The following DLG2 variants were observed in gnomAD, a reference collection of about 807,000 sequenced individuals.
DLG2 encodes discs large MAGUK scaffold protein 2.
DLG2 carries 45 observed loss-of-function variants against 132.5 expected under a neutral mutation model. That is an observed-to-expected ratio of 0.34 (90% CI 0.27 to 0.44). The LOEUF (loss-of-function observed/expected upper bound fraction) is 0.44. DLG2 is among the 20% of genes least tolerant of loss of function. DLG2 has a pLI of 1.00. For synonymous variants in DLG2, 424 were observed against 419.6 expected, an observed-to-expected ratio of 1.01 and a Z score of -0.13; for missense variants, 1,045 against 1,196.9, an observed-to-expected ratio of 0.87 and a Z score of 1.87.
intron 6 of DLG2, among the ~76,000 whole-genome samples, chr11:84,683,531 G>T (rs1044000458): frequency 1.3e-5 from 2 of 152,140 alleles, no homozygotes; most frequent in African/African-American, 4.8e-5. Context: ...TGCCATAATA[G>T]TTGCTGAAAA....
chr11:84,977,088 T>G (rs1192889713), intron 6 of DLG2, among the ~76,000 whole-genome samples: 1 of 152,120 alleles, frequency 6.6e-6, no homozygotes. Flanking sequence ...TGTTCAAGTG[T>G]TTACTTGTCT....
chr11:84,972,774 C>T (rs1226863375), intron 6 of DLG2, among the ~76,000 whole-genome samples: 1 of 152,002 alleles, frequency 6.6e-6, no homozygotes, highest in Non-Finnish European at 1.5e-5. Context: ...CACTTTCCCT[C>T]ATGCCATCCC....
chr11:85,390,283 C>T (rs1701661184), intron 3 of DLG2, among the ~76,000 whole-genome samples: 1 of 151,950 alleles, frequency 6.6e-6, no homozygotes, highest in African/African-American at 2.4e-5. Context: ...GATAAAAGGA[C>T]TAGTCCAACA....
chr11:85,053,715 T>A (rs529770885), intron 6 of DLG2, among the ~76,000 whole-genome samples: 1 of 136,296 alleles, frequency 7.3e-6, no homozygotes, highest in East Asian at 2.2e-4. Flanking sequence ...GATAGGAGAA[T>A]GGCGTGAACC....
chr11:85,214,837 A>T (rs181036305), intron 4 of DLG2, among the ~76,000 whole-genome samples: 37 of 152,324 alleles, frequency 2.4e-4, no homozygotes, highest in Admixed American at 5.2e-4. Flanking sequence ...CTAAGAGACC[A>T]GTAACTAAGA....
chr11:84,247,229 A>G (rs1234637226), intron 8 of DLG2, among the ~76,000 whole-genome samples: 1 of 152,180 alleles, frequency 6.6e-6, no homozygotes, highest in Non-Finnish European at 1.5e-5. Context: ...ATTGAACTCT[A>G]AAGTGTCTGC....
intron 3 of DLG2, among the ~76,000 whole-genome samples, chr11:85,552,027 AG>A (rs913457834): frequency 1.3e-5 from 2 of 151,016 alleles, no homozygotes; most frequent in African/African-American, 4.9e-5. Context: ...GAACTGAGGC[AG>A]GATCTGAAAA....
At chr11:84,557,149 G>A (rs572174171) in intron 6 of DLG2, among the ~76,000 whole-genome samples, 19 of 152,220 alleles carry the variant, frequency 1.2e-4, no homozygotes, top group Middle Eastern at 6.8e-3. Flanking sequence ...TAATTTAGGT[G>A]TTGCTATGAA....
At chr11:85,335,708 A>T (rs975529369) in intron 3 of DLG2, among the ~76,000 whole-genome samples, 1 of 151,960 alleles carries the variant, frequency 6.6e-6, no homozygotes, top group East Asian at 1.9e-4. Context: ...GATGACAAAC[A>T]CCGCATGTTC....
intron 24 of DLG2, 79 bp downstream of exon 24, chr11:83,471,547 A>T: frequency 9.8e-7 from 1 of 1,024,168 alleles, no homozygotes; most frequent in Non-Finnish European, 1.5e-6. Flanking sequence ...CTACTGGAGG[A>T]TGGAATTACA....
rs117586527 is a variant in DLG2, at chr11:83,497,227, G to A, written c.2194-12999C>T. Among the ~76,000 whole-genome samples the A allele has an allele frequency of 6.5e-3, 986 of 152,230 alleles. 6 individuals are homozygous for A. Among genetic ancestry groups the A allele is most frequent in the Non-Finnish European group, 0.011 (780 of 68,000 alleles). On this transcript the variant is annotated intron_variant, in intron 21 of 27. Coordinates refer to ENST00000376104, the MANE Select transcript of DLG2 (RefSeq NM_001142699.3). ...AAAATAACTGAACATCTGGTGAAAG[G>A]GGGGAGAAGTAATGGAAGAATAAGA... is the stretch of plus-strand genomic sequence containing the variant.
chr11:85,375,999 T>C (rs2085373557), intron 3 of DLG2, among the ~76,000 whole-genome samples: 1 of 152,212 alleles, frequency 6.6e-6, no homozygotes, highest in Non-Finnish European at 1.5e-5. Flanking sequence ...TAGATATTAA[T>C]ATTTTACATT....
At chr11:85,562,990 C>T (rs1223980855) in intron 3 of DLG2, among the ~76,000 whole-genome samples, 1 of 151,686 alleles carries the variant, frequency 6.6e-6, no homozygotes, top group South Asian at 2.1e-4. Context: ...CTTTGGCTCA[C>T]CTTTAAAGCC....
intron 9 of DLG2, among the ~76,000 whole-genome samples, chr11:84,136,124 T>C (rs1421415606): frequency 6.6e-6 from 1 of 152,134 alleles, no homozygotes; most frequent in Non-Finnish European, 1.5e-5. Context: ...AGTTGCATGA[T>C]TTTTCTCTAT....
chr11:84,156,023 G>A (rs536798194), intron 9 of DLG2, among the ~76,000 whole-genome samples: 2 of 152,172 alleles, frequency 1.3e-5, no homozygotes, highest in East Asian at 3.9e-4. Context: ...AATAATTAAT[G>A]GCTAAATTCT....
chr11:85,294,775 G>A (rs993704753), intron 3 of DLG2, among the ~76,000 whole-genome samples: 3 of 152,134 alleles, frequency 2.0e-5, no homozygotes, highest in Admixed American at 6.6e-5. Flanking sequence ...CAAGGGTGCA[G>A]ACACTTGAAT....
intron 3 of DLG2, among the ~76,000 whole-genome samples, chr11:85,545,241 G>T (rs1247185646): frequency 6.6e-6 from 1 of 152,178 alleles, no homozygotes; most frequent in East Asian, 1.9e-4. Context: ...CATCTATTGA[G>T]ACAATCATGT....
At chr11:85,538,883 C>T (rs1280289823) in intron 3 of DLG2, among the ~76,000 whole-genome samples, 1 of 151,720 alleles carries the variant, frequency 6.6e-6, no homozygotes, top group Non-Finnish European at 1.5e-5. Flanking sequence ...ATAGCTAATG[C>T]ATGTGAGGCT....
At chr11:85,465,615 T>A (rs1316834248) in intron 3 of DLG2, among the ~76,000 whole-genome samples, 1 of 152,190 alleles carries the variant, frequency 6.6e-6, no homozygotes, top group African/African-American at 2.4e-5. Flanking sequence ...TTCATCCATG[T>A]CCTTACAAAG....
Sources: allele counts gnomAD v4.1 joint callset (sites outside exome capture counted in the v4.1 genomes callset), GRCh38; gene constraint gnomAD v4.1.1; transcripts MANE v1.5; gene names NCBI Gene and HGNC (gene_info 2026-07-23, HGNC 2026-07-21).